Variants in B3GLCT observed in about 807,000 individuals in gnomAD.
B3GLCT encodes beta-1,3-glucosyltransferase.
A neutral mutation model predicts 63.4 loss-of-function variants in B3GLCT; 65 were observed. The observed-to-expected ratio is 1.03, with a 90% CI of 0.84 to 1.26. B3GLCT has a LOEUF of 1.26. Ranked by LOEUF, B3GLCT falls within the 50% of genes most tolerant of loss-of-function variation. The pLI is 0.00. For synonymous variants in B3GLCT, 233 were observed against 219.2 expected (o/e 1.06, Z -0.55); for missense variants, 577 against 604.8 (o/e 0.95, Z 0.48).
chr13:31,309,323 T>C (rs954548400), intron 12 of B3GLCT, among the ~76,000 whole-genome samples: 4 of 152,232 alleles, frequency 2.6e-5, no homozygotes, highest in Admixed American at 6.5e-5. Context: ...CCCTGAAATA[T>C]GTGGGAATTT....
intron 7 of B3GLCT, among the ~76,000 whole-genome samples, chr13:31,264,161 C>T (rs1809333822): frequency 2.0e-5 from 3 of 152,104 alleles, no homozygotes; most frequent in Admixed American, 2.0e-4. Flanking sequence ...AAAGACCCTG[C>T]CTCCTAATAA....
At chr13:31,235,887 T>C (rs755052344) in intron 4 of B3GLCT, among the ~76,000 whole-genome samples, 9 of 152,242 alleles carry the variant, frequency 5.9e-5, no homozygotes, top group Non-Finnish European at 1.2e-4. Flanking sequence ...TTGATTTTTC[T>C]GGATTTCTCG....
At position 31,215,073 on chromosome 13, in the gene B3GLCT, T is replaced by C. The variant is rs1044194277; in HGVS notation, c.93T>C (p.Asp31=). The C allele has an allele frequency of 8.1e-6, 13 of 1,610,014 alleles. No homozygotes were observed. Among genetic ancestry groups the C allele is most frequent in the South Asian group, 1.1e-5 (1 of 90,618 alleles). The change falls in exon 2 of 15, where the codon GAT becomes GAC. Residue 31 remains aspartate, a synonymous_variant. Transcript: ENST00000343307. ...CAGCTTTTGGTTTGGCTTCTGAAGA[T>C]ACAAAGAAAGAGGTCAAGCAGTCTC... ...CSLAFGLASE[D]TKKEVKQSQD... is the part of the protein sequence containing the mutation.
chr13:31,254,910 G>T (rs191394445), intron 6 of B3GLCT, among the ~76,000 whole-genome samples: 177 of 152,052 alleles, frequency 1.2e-3, no homozygotes, highest in African/African-American at 4.2e-3. Flanking sequence ...AGTGGTGGGT[G>T]CCCATAATCC....
intron 4 of B3GLCT, among the ~76,000 whole-genome samples, chr13:31,236,610 T>C (rs1340602942): frequency 6.6e-6 from 1 of 152,192 alleles, no homozygotes; most frequent in African/African-American, 2.4e-5. Flanking sequence ...AGCACCCAAG[T>C]AGTTATGACC....
Position 31,284,644 on chromosome 13 carries a change from TC to T in B3GLCT, c.851-3del, listed in dbSNP as rs773628795. ...AGTGATTGTCACCTCTGTAATTTTT[TC>T]AGTACCTATTGTTAAGCAGACTTGG... On this transcript the variant is annotated splice_polypyrimidine_tract_variant and splice_region_variant and intron_variant, in intron 10 of 14. Coordinates refer to ENST00000343307, the MANE Select transcript of B3GLCT (RefSeq NM_194318.4). 17 of 1,536,350 alleles carry T rather than the reference TC, an allele frequency of 1.1e-5. No homozygotes were observed. In the South Asian group the frequency reaches 1.8e-4, roughly 16 times the overall value.
At chr13:31,267,549 C>G (rs565108192) in intron 7 of B3GLCT, among the ~76,000 whole-genome samples, 7 of 152,330 alleles carry the variant, frequency 4.6e-5, no homozygotes, top group African/African-American at 1.7e-4. Context: ...GATATAGTCT[C>G]TCAGTCCACC....
intron 1 of B3GLCT, among the ~76,000 whole-genome samples, chr13:31,207,074 G>A (rs190354116): frequency 3.3e-5 from 5 of 152,284 alleles, no homozygotes; most frequent in Non-Finnish European, 4.4e-5. Context: ...ACCATGGATT[G>A]AGTGGTACTG....
At chr13:31,215,824 A>G (rs1593249791) in intron 2 of B3GLCT, among the ~76,000 whole-genome samples, 2 of 152,134 alleles carry the variant, frequency 1.3e-5, no homozygotes, top group African/African-American at 2.4e-5. Flanking sequence ...GAAGGTGGCA[A>G]TGTGTGAGAG....
intron 7 of B3GLCT, among the ~76,000 whole-genome samples, chr13:31,267,632 G>A (rs893631266): frequency 6.6e-6 from 1 of 152,154 alleles, no homozygotes; most frequent in African/African-American, 2.4e-5. Context: ...GCTTCTTTTG[G>A]TGCTACCTGC....
intron 8 of B3GLCT, among the ~76,000 whole-genome samples, chr13:31,272,262 C>G (rs1192421967): frequency 6.8e-6 from 1 of 146,082 alleles, no homozygotes; most frequent in Non-Finnish European, 1.5e-5. Flanking sequence ...GTCACCCAGG[C>G]TGGAGTGCAG....
chr13:31,313,273 G>T (rs1874818045), intron 12 of B3GLCT, among the ~76,000 whole-genome samples: 1 of 152,196 alleles, frequency 6.6e-6, no homozygotes, highest in African/African-American at 2.4e-5. Context: ...AGATATCTTG[G>T]TGAATAATTT....
Position 31,226,198 on chromosome 13 carries a change from C to T in B3GLCT, c.161-2987C>T, listed in dbSNP as rs374909352. Reference sequence around the variant, plus strand: ...CCTGTGCTCAGTTAGCTCTGGCTTTCCACTTACTGCTTTGTGTTACAATGG... The same window carrying T: ...CCTGTGCTCAGTTAGCTCTGGCTTTTCACTTACTGCTTTGTGTTACAATGG... On this transcript the variant is annotated intron_variant, in intron 3 of 14. Coordinates refer to ENST00000343307, the MANE Select transcript of B3GLCT (RefSeq NM_194318.4). 2.0e-5 allele frequency among the ~76,000 whole-genome samples: 3 copies of T among 152,222 alleles called. No homozygotes were observed. The East Asian group carries it at 5.8e-4, about 29-fold the overall frequency.
chr13:31,262,476 A>T (rs1006645451), intron 7 of B3GLCT, among the ~76,000 whole-genome samples: 2 of 152,200 alleles, frequency 1.3e-5, no homozygotes, highest in African/African-American at 2.4e-5. Context: ...AGACAAGAAG[A>T]AGTAGTGGTC....
At chr13:31,210,487 T>G (rs1593245744) in intron 1 of B3GLCT, among the ~76,000 whole-genome samples, 1 of 152,232 alleles carries the variant, frequency 6.6e-6, no homozygotes, top group South Asian at 2.1e-4. Context: ...CCCTCACTCC[T>G]TCTTTTCTTT....
At chr13:31,249,823 T>C (rs1197306490) in intron 6 of B3GLCT, among the ~76,000 whole-genome samples, 1 of 152,234 alleles carries the variant, frequency 6.6e-6, no homozygotes, top group Non-Finnish European at 1.5e-5. Flanking sequence ...TGTGATTTTT[T>C]TGTCCTCTAC....
intron 12 of B3GLCT, among the ~76,000 whole-genome samples, chr13:31,288,546 G>T (rs1475450433): frequency 6.6e-6 from 1 of 152,154 alleles, no homozygotes; most frequent in Non-Finnish European, 1.5e-5. Context: ...CCCAAAGACT[G>T]ACTCAGTTGG....
chr13:31,321,601 G>C (rs958581556), intron 13 of B3GLCT, among the ~76,000 whole-genome samples: 1 of 152,180 alleles, frequency 6.6e-6, no homozygotes, highest in Non-Finnish European at 1.5e-5. Context: ...CTTGTTTTCT[G>C]ATGGCGGGTC....
intron 6 of B3GLCT, among the ~76,000 whole-genome samples, chr13:31,256,688 C>T (rs1871757776): frequency 6.6e-6 from 1 of 152,144 alleles, no homozygotes; most frequent in South Asian, 2.1e-4. Flanking sequence ...AACCAAACAC[C>T]ACATGTTCTC....
Sources: allele counts gnomAD v4.1 joint callset (sites outside exome capture counted in the v4.1 genomes callset), GRCh38; gene constraint gnomAD v4.1.1; transcripts MANE v1.5; gene names NCBI Gene and HGNC (gene_info 2026-07-23, HGNC 2026-07-21).